The following DPP10 variants were observed in gnomAD, a reference collection of about 807,000 sequenced individuals.
The protein encoded by DPP10 is dipeptidyl peptidase like 10, also known as inactive dipeptidyl peptidase 10.
A neutral mutation model predicts 120.9 loss-of-function variants in DPP10; 33 were observed. The ratio of observed to expected loss-of-function variants is 0.27; its 90% confidence interval spans 0.21 to 0.37. The LOEUF (loss-of-function observed/expected upper bound fraction) is 0.37. Ranked by LOEUF, DPP10 falls within the 10% of genes least tolerant of loss-of-function variation. The pLI, the probability that DPP10 is intolerant of heterozygous loss-of-function variation, is 1.00. For missense variants in DPP10, 816 were observed against 942.8 expected (o/e 0.87, Z 1.76); for synonymous variants, 337 against 326.1 (o/e 1.03, Z -0.36).
chr2:115,788,445 A>G (rs1340196015), intron 17 of DPP10, among the ~76,000 whole-genome samples: 1 of 152,222 alleles, frequency 6.6e-6, no homozygotes, highest in Admixed American at 6.5e-5. Context: ...CAGTAGAGAA[A>G]ATGTATGAAA....
At chr2:115,162,590 T>C (rs1165409689) in intron 1 of DPP10, among the ~76,000 whole-genome samples, 1 of 152,102 alleles carries the variant, frequency 6.6e-6, no homozygotes, top group East Asian at 1.9e-4. Flanking sequence ...ATCCGTAGTC[T>C]GCTGAGCGGA....
intron 5 of DPP10, among the ~76,000 whole-genome samples, chr2:115,657,380 C>T (rs958748506): frequency 7.9e-5 from 12 of 151,762 alleles, no homozygotes; most frequent in Admixed American, 1.3e-4. Flanking sequence ...TTTTAGTATG[C>T]GACTCTGCAA....
At chr2:115,584,823 G>A (rs2082194494) in intron 5 of DPP10, among the ~76,000 whole-genome samples, 1 of 152,174 alleles carries the variant, frequency 6.6e-6, no homozygotes, top group Non-Finnish European at 1.5e-5. Context: ...AGTGATGGGT[G>A]TCATTTTGGG....
intron 5 of DPP10, among the ~76,000 whole-genome samples, chr2:115,606,914 A>T (rs886933126): frequency 6.6e-6 from 1 of 152,208 alleles, no homozygotes; most frequent in African/African-American, 2.4e-5. Context: ...AAAGAATGCG[A>T]GCTTTCATTT....
At chr2:114,930,022 G>A (rs764523900) in intron 1 of DPP10, among the ~76,000 whole-genome samples, 6 of 152,164 alleles carry the variant, frequency 3.9e-5, no homozygotes, top group Admixed American at 6.5e-5. Flanking sequence ...CAGTATCCCA[G>A]GGAGGCACAG....
At chr2:114,687,098 G>T (rs1699422625) in intron 1 of DPP10, among the ~76,000 whole-genome samples, 1 of 151,928 alleles carries the variant, frequency 6.6e-6, no homozygotes, top group Non-Finnish European at 1.5e-5. Context: ...GGTTACAGTG[G>T]AATCCCCATA....
At chr2:114,791,640 A>G (rs961036392) in intron 1 of DPP10, among the ~76,000 whole-genome samples, 2 of 152,266 alleles carry the variant, frequency 1.3e-5, no homozygotes, top group East Asian at 3.9e-4. Flanking sequence ...ACAGCCATCC[A>G]CCTTTATTGG....
chr2:114,982,946 G>T (rs1700179094), intron 1 of DPP10, among the ~76,000 whole-genome samples: 1 of 151,930 alleles, frequency 6.6e-6, no homozygotes, highest in South Asian at 2.1e-4. Flanking sequence ...AAGATTATTT[G>T]TCTTACTTAA....
At chr2:115,603,340 C>T (rs1391892478) in intron 5 of DPP10, among the ~76,000 whole-genome samples, 7 of 128,888 alleles carry the variant, frequency 5.4e-5, no homozygotes, top group Non-Finnish European at 1.1e-4. Context: ...CCCGCCCCGC[C>T]ACCCCCCCAA....
chr2:115,355,605 G>T (rs891481335), intron 3 of DPP10, among the ~76,000 whole-genome samples: 3 of 152,068 alleles, frequency 2.0e-5, no homozygotes, highest in African/African-American at 7.2e-5. Flanking sequence ...ATTGCTTTTG[G>T]CATTTTTGGT....
chr2:115,441,480 C>G (rs1469819371), intron 3 of DPP10, among the ~76,000 whole-genome samples: 1 of 152,148 alleles, frequency 6.6e-6, no homozygotes, highest in Non-Finnish European at 1.5e-5. Flanking sequence ...ATGAACTATT[C>G]TCTCTTCTGG....
At chr2:115,274,851 C>G (rs1003209062) in intron 1 of DPP10, among the ~76,000 whole-genome samples, 20 of 152,260 alleles carry the variant, frequency 1.3e-4, no homozygotes, top group African/African-American at 4.8e-4. Context: ...TGTCTTTCCT[C>G]TCGTTAAGCG....
At chr2:114,582,825 A>T (rs186574848) in intron 1 of DPP10, among the ~76,000 whole-genome samples, 1 of 140,772 alleles carries the variant, frequency 7.1e-6, no homozygotes, top group East Asian at 1.9e-4. Flanking sequence ...TATCTAACCA[A>T]TTAAAAATTT....
At chr2:115,333,906 A>G (rs906298138) in intron 2 of DPP10, among the ~76,000 whole-genome samples, 6 of 151,890 alleles carry the variant, frequency 4.0e-5, no homozygotes, top group African/African-American at 1.4e-4. Flanking sequence ...TGTGTCTTAG[A>G]GTTGCTCTTC....
At chr2:115,244,424 A>C (rs2058439506) in intron 1 of DPP10, among the ~76,000 whole-genome samples, 1 of 151,954 alleles carries the variant, frequency 6.6e-6, no homozygotes, top group Admixed American at 6.6e-5. Flanking sequence ...GGCATTATAA[A>C]AATTGCAGTG....
At chr2:114,644,946 C>T (rs1160364364) in intron 1 of DPP10, among the ~76,000 whole-genome samples, 2 of 151,906 alleles carry the variant, frequency 1.3e-5, no homozygotes, top group African/African-American at 4.9e-5. Context: ...ACAAAGTTTT[C>T]TCCCTCCTTC....
intron 5 of DPP10, among the ~76,000 whole-genome samples, chr2:115,529,326 C>A (rs981010668): frequency 6.6e-6 from 1 of 151,972 alleles, no homozygotes; most frequent in Non-Finnish European, 1.5e-5. Context: ...TGCACCACCA[C>A]GCCCAGCTAG....
At chr2:115,841,169 G>T (rs1690102670) in intron 25 of DPP10, among the ~76,000 whole-genome samples, 1 of 149,810 alleles carries the variant, frequency 6.7e-6, no homozygotes, top group African/African-American at 2.5e-5. Flanking sequence ...TGTTCCTTTT[G>T]TCTTGTTCCT....
At chr2:115,521,101 G>A (rs1041222611) in intron 4 of DPP10, among the ~76,000 whole-genome samples, 3 of 152,156 alleles carry the variant, frequency 2.0e-5, no homozygotes, top group Non-Finnish European at 4.4e-5. Context: ...AACACAATTT[G>A]AGTAAGGAAA....
Sources: gnomAD v4.1 joint callset for allele counts (sites outside exome capture counted in the v4.1 genomes callset) on GRCh38, gnomAD v4.1.1 for gene constraint, MANE v1.5 for transcripts, NCBI Gene and HGNC (gene_info 2026-07-23, HGNC 2026-07-21) for gene names.